The following MTF2 variants were observed in gnomAD, a reference collection of about 807,000 sequenced individuals.
MTF2 encodes the protein metal response element binding transcription factor 2, also known as metal-response element-binding transcription factor 2.
In MTF2, 11 loss-of-function variants were observed where a neutral mutation model predicts 79.5. That is an observed-to-expected ratio of 0.14 (90% CI 0.09 to 0.23). The LOEUF (loss-of-function observed/expected upper bound fraction) is 0.23. Ranked by LOEUF, MTF2 falls within the 10% of genes least tolerant of loss-of-function variation. The pLI is 1.00. For synonymous variants in MTF2, 208 were observed against 232.8 expected, an observed-to-expected ratio of 0.89 and a Z score of 0.97; for missense variants, 486 against 711.2, an observed-to-expected ratio of 0.68 and a Z score of 3.60.
intron 9 of MTF2, among the ~76,000 whole-genome samples, chr1:93,125,649 G>T (rs1373370095): frequency 6.6e-6 from 1 of 151,998 alleles, no homozygotes; most frequent in Admixed American, 6.6e-5. Flanking sequence ...ACATGGGTAT[G>T]ATAGGGGATA....
At chr1:93,101,770 T>TGG (rs1655557078) in intron 1 of MTF2, among the ~76,000 whole-genome samples, 1 of 151,294 alleles carries the variant, frequency 6.6e-6, no homozygotes, top group African/African-American at 2.4e-5. Context: ...TTGTAGAGCC[T>TGG]GGATCTTGTG....
Position 93,136,736 on chromosome 1 carries a change from GAGA to G in MTF2, c.1498_1500del (p.Arg500del), listed in dbSNP as rs767149899. 76 of 1,614,054 alleles carry G rather than the reference GAGA, an allele frequency of 4.7e-5. No homozygotes were observed. Among genetic ancestry groups the G allele is most frequent in the Non-Finnish European group, 5.6e-5 (66 of 1,180,022 alleles). On this transcript the variant is annotated inframe_deletion, in exon 15 of 15. Coordinates refer to ENST00000370298, the MANE Select transcript of MTF2 (RefSeq NM_007358.4). ...GGCCTGCTGCAATACCACATTTGCG[GAGA>G]AGAAGAGGTCGTCTTCCAAGAAGAG...
chr1:93,090,500 G>A (rs1222381335), intron 1 of MTF2, among the ~76,000 whole-genome samples: 2 of 149,774 alleles, frequency 1.3e-5, no homozygotes, highest in Non-Finnish European at 3.0e-5. Flanking sequence ...TGCCTGCCTT[G>A]GCCTCCCAAA....
At chr1:93,088,861 C>T (rs1654959808) in intron 1 of MTF2, among the ~76,000 whole-genome samples, 1 of 152,120 alleles carries the variant, frequency 6.6e-6, no homozygotes, top group Non-Finnish European at 1.5e-5. Context: ...CATGAACCAC[C>T]ATGCCCAACC....
rs200421711 is a variant in MTF2, at chr1:93,134,062, G to A, written c.1320-29G>A. On this transcript the variant is annotated intron_variant, in intron 13 of 14. Coordinates refer to ENST00000370298, the MANE Select transcript of MTF2 (RefSeq NM_007358.4). ...TATTTGTTTGTTATATAATATAGTC[G>A]TTACACAATTTAAATTCTTTTGTCT... The A allele has an allele frequency of 6.2e-4, 976 of 1,563,260 alleles. 2 individuals carry two copies. The highest frequency in any genetic ancestry group is 6.9e-4 in the Non-Finnish European group (784 of 1,142,232).
intron 1 of MTF2, among the ~76,000 whole-genome samples, chr1:93,081,410 T>C (rs1480834589): frequency 6.6e-6 from 1 of 152,242 alleles, no homozygotes; most frequent in African/African-American, 2.4e-5. Context: ...CAGTATATTG[T>C]TAATCTATAT....
intron 1 of MTF2, among the ~76,000 whole-genome samples, chr1:93,100,493 G>A (rs1655484594): frequency 6.6e-6 from 1 of 152,098 alleles, no homozygotes; most frequent in African/African-American, 2.4e-5. Flanking sequence ...TTTTAGTAGA[G>A]ACGGAGTTTC....
intron 1 of MTF2, among the ~76,000 whole-genome samples, chr1:93,090,540 G>A (rs1182303885): frequency 6.6e-6 from 1 of 151,934 alleles, no homozygotes; most frequent in Non-Finnish European, 1.5e-5. Flanking sequence ...GAGCCACTGT[G>A]CCTGACTGAC....
chr1:93,081,518 C>T (rs1654606623), intron 1 of MTF2, among the ~76,000 whole-genome samples: 1 of 152,212 alleles, frequency 6.6e-6, no homozygotes, highest in African/African-American at 2.4e-5. Flanking sequence ...AGTTAGTCGA[C>T]ACTTCCATGA....
chr1:93,100,183 G>A (rs1655468352), intron 1 of MTF2, among the ~76,000 whole-genome samples: 1 of 152,204 alleles, frequency 6.6e-6, no homozygotes. Flanking sequence ...TTGCCTCTGA[G>A]AGTAAGACTG....
intron 1 of MTF2, among the ~76,000 whole-genome samples, chr1:93,108,009 C>G (rs553578766): frequency 6.6e-6 from 1 of 151,882 alleles, no homozygotes; most frequent in Non-Finnish European, 1.5e-5. Context: ...CTCTTGAATT[C>G]GGGGTCCTCC....
rs1647470110 is a variant in MTF2, at chr1:93,138,016, A to G, written c.*989A>G. Reference sequence around the variant, plus strand: ...GTCTCTCATTTTTAACAGTAAGTCTATAGGAGTCCCGTGAAGATTCCTGAA... The same window carrying G: ...GTCTCTCATTTTTAACAGTAAGTCTGTAGGAGTCCCGTGAAGATTCCTGAA... On this transcript the variant is annotated 3_prime_UTR_variant, in exon 15 of 15. Transcript: ENST00000370298. 1 of 152,230 alleles carries G rather than the reference A, an allele frequency of 6.6e-6. No homozygotes were observed. The allele number at this position is 152,230 out of a possible 1,614,324, so 9.4% of individuals were successfully genotyped here. A position where few individuals can be genotyped will look rare whatever the true frequency, so the allele number is the denominator to read the frequency against.
At chr1:93,096,316 A>G (rs1213152231) in intron 1 of MTF2, among the ~76,000 whole-genome samples, 1 of 151,716 alleles carries the variant, frequency 6.6e-6, no homozygotes, top group Non-Finnish European at 1.5e-5. Context: ...TCTCATTTTC[A>G]CTTCTCATTT....
intron 1 of MTF2, among the ~76,000 whole-genome samples, chr1:93,101,960 C>T (rs556446): frequency 0.11 from 16,042 of 152,092 alleles, 1,086 homozygotes; most frequent in East Asian, 0.28. Flanking sequence ...CCTTGTTAAA[C>T]TGAAACTATA....
intron 1 of MTF2, among the ~76,000 whole-genome samples, chr1:93,086,767 ATG>A (rs1654855861): frequency 6.6e-6 from 1 of 152,140 alleles, no homozygotes; most frequent in Non-Finnish European, 1.5e-5. Flanking sequence ...GTATTTATCT[ATG>A]TGATAAATAC....
chr1:93,091,575 G>A (rs1655076664), intron 1 of MTF2, among the ~76,000 whole-genome samples: 1 of 152,156 alleles, frequency 6.6e-6, no homozygotes, highest in Non-Finnish European at 1.5e-5. Context: ...CCATTAACTG[G>A]TGGGGTGGAG....
At chr1:93,106,523 T>A (rs1655796287) in intron 1 of MTF2, among the ~76,000 whole-genome samples, 2 of 152 alleles carry the variant, frequency 0.013, no homozygotes, top group South Asian at 0.2. Flanking sequence ...TTAAAGCCTT[T>A]TTTTTTTTTT....
intron 1 of MTF2, among the ~76,000 whole-genome samples, chr1:93,079,991 T>A (rs1175244976): frequency 6.6e-6 from 1 of 151,572 alleles, no homozygotes; most frequent in Non-Finnish European, 1.5e-5. Context: ...AAGTAGCAGC[T>A]TGGAATCGGA....
intron 1 of MTF2, among the ~76,000 whole-genome samples, chr1:93,097,635 T>C (rs1357591713): frequency 1.3e-5 from 2 of 152,160 alleles, no homozygotes; most frequent in African/African-American, 4.8e-5. Flanking sequence ...TCTCACTCTG[T>C]CGCCCAGGCA....
Sources: allele counts gnomAD v4.1 joint callset (sites outside exome capture counted in the v4.1 genomes callset), GRCh38; gene constraint gnomAD v4.1.1; transcripts MANE v1.5; gene names NCBI Gene and HGNC (gene_info 2026-07-23, HGNC 2026-07-21).